Variants in SCNN1B observed in about 807,000 individuals in gnomAD.
SCNN1B encodes the protein epithelial sodium channel subunit beta.
SCNN1B carries 46 observed loss-of-function variants against 65.3 expected under a neutral mutation model. That is an observed-to-expected ratio of 0.70 (90% CI 0.56 to 0.90). SCNN1B has a LOEUF of 0.90. Among genes scored for constraint, SCNN1B ranks in the 40% least tolerant of loss-of-function variants. The pLI is 0.00. For missense variants in SCNN1B, 751 were observed against 830.5 expected, an observed-to-expected ratio of 0.90 and a Z score of 1.18; for synonymous variants, 349 against 330.6, an observed-to-expected ratio of 1.06 and a Z score of -0.60.
chr16:23,292,084 C>T (rs900411847), intron 2 of SCNN1B, among the ~76,000 whole-genome samples: 25 of 151,968 alleles, frequency 1.6e-4, no homozygotes, highest in Admixed American at 1.4e-3. Context: ...GGCACCTCCA[C>T]GGCTTTCACC....
rs727503413 is a variant in SCNN1B, at chr16:23,377,199, G to A, written c.1305G>A (p.Ala435=). The A allele has an allele frequency of 3.9e-4, 630 of 1,614,090 alleles. No individual in the cohort carries two copies. Among genetic ancestry groups the A allele is most frequent in the Non-Finnish European group, 5.0e-4 (595 of 1,180,036 alleles). ...ACTCAGATCTACAGATGAGCGTGGC[G>A]CAGAGAGAGACCTGCATTGGCATGT... ...HCYSDLQMSV[A]QRETCIGMCK... Residue 435 remains alanine (A), a synonymous_variant, in exon 9 of 13, where the codon GCG becomes GCA. Transcript: ENST00000343070.
intron 2 of SCNN1B, among the ~76,000 whole-genome samples, chr16:23,287,131 AG>A (rs1370196147): frequency 6.6e-6 from 1 of 151,298 alleles, no homozygotes; most frequent in Non-Finnish European, 1.5e-5. Context: ...CAGCCTCCCA[AG>A]TAGCTGGAAT....
At chr16:23,295,474 C>A (rs988858355) in intron 2 of SCNN1B, among the ~76,000 whole-genome samples, 1 of 152,072 alleles carries the variant, frequency 6.6e-6, no homozygotes, top group Non-Finnish European at 1.5e-5. Flanking sequence ...ATCAGCCTCC[C>A]AAGTAGCTGG....
At chr16:23,302,736 G>A (rs1961112332) in intron 1 of SCNN1B, among the ~76,000 whole-genome samples, 1 of 152,214 alleles carries the variant, frequency 6.6e-6, no homozygotes, top group Non-Finnish European at 1.5e-5. Context: ...CTGGCATAGA[G>A]TGGGCGGGGC....
At chr16:23,352,026 C>A (rs768908851) in intron 2 of SCNN1B, among the ~76,000 whole-genome samples, 7 of 152,160 alleles carry the variant, frequency 4.6e-5, no homozygotes, top group Non-Finnish European at 8.8e-5. Flanking sequence ...TATATGGGGA[C>A]GGTAACAGAC....
intron 1 of SCNN1B, among the ~76,000 whole-genome samples, chr16:23,306,740 C>A (rs1418677176): frequency 6.6e-6 from 1 of 152,152 alleles, no homozygotes; most frequent in Non-Finnish European, 1.5e-5. Context: ...TGGAAACAGT[C>A]TTTACAAAAG....
chr16:23,343,813 C>T (rs1162093946), intron 1 of SCNN1B, among the ~76,000 whole-genome samples: 2 of 152,192 alleles, frequency 1.3e-5, no homozygotes, highest in Non-Finnish European at 2.9e-5. Context: ...TCTGTGTGCA[C>T]ACATGGACTT....
At chr16:23,312,189 C>G (rs1961359410) in intron 1 of SCNN1B, among the ~76,000 whole-genome samples, 1 of 152,140 alleles carries the variant, frequency 6.6e-6, no homozygotes, top group African/African-American at 2.4e-5. Flanking sequence ...AGGCTGGTCT[C>G]AAACTCCTGG....
chr16:23,290,744 A>G (rs571844388), intron 2 of SCNN1B, among the ~76,000 whole-genome samples: 2 of 152,250 alleles, frequency 1.3e-5, no homozygotes, highest in Non-Finnish European at 2.9e-5. Flanking sequence ...AACCCTCACT[A>G]GCTAGAAAGG....
intron 8 of SCNN1B, 128 bp downstream of exon 8, chr16:23,375,983 A>T: frequency 1.5e-6 from 1 of 683,970 alleles, no homozygotes; most frequent in East Asian, 2.7e-5. Flanking sequence ...GCTCCTCCAC[A>T]GTCTGAGGTC....
intron 4 of SCNN1B, among the ~76,000 whole-genome samples, chr16:23,365,222 G>A (rs1398708050): frequency 6.6e-6 from 1 of 151,938 alleles, no homozygotes; most frequent in Non-Finnish European, 1.5e-5. Flanking sequence ...AATCCAGGAG[G>A]CAGAGGTTAC....
rs1205143364 is a variant in SCNN1B at position 23,348,191 on chromosome 16, A to G, written c.-8-401A>G. Among the ~76,000 whole-genome samples the G allele has an allele frequency of 6.6e-6, 1 of 152,138 alleles. No individual in the cohort carries two copies. Among genetic ancestry groups the G allele is most frequent in the African/African-American group, 2.4e-5 (1 of 41,420 alleles). ...CTTTTCTCATCAATGTTACAATGAAACATTGAACAAAACGACGTCGTTTGA... is the reference window on the plus strand; with the variant it reads ...CTTTTCTCATCAATGTTACAATGAAGCATTGAACAAAACGACGTCGTTTGA... On this transcript the variant is annotated intron_variant, in intron 1 of 12. Transcript: ENST00000343070. This position sits in a 1 kb window ranked among gnomAD's most constrained non-coding sequence, Gnocchi z 4.5.
Position 23,378,695 on chromosome 16 carries a change from T to C in SCNN1B, c.1405-11T>C. On this transcript the variant is annotated splice_polypyrimidine_tract_variant and intron_variant, in intron 10 of 12. Coordinates refer to ENST00000343070, the MANE Select transcript of SCNN1B (RefSeq NM_000336.3). ...GATGGCAACTTTTGCAACCACCTTC[T>C]TGGGTTCCAGGACTGGATTTTCCAC... is the stretch of plus-strand genomic sequence containing the variant. 1 of 1,614,114 alleles carries C rather than the reference T, an allele frequency of 6.2e-7. No individual in the cohort carries two copies. Among genetic ancestry groups the C allele is most frequent in the Non-Finnish European group, 8.5e-7 (1 of 1,180,000 alleles).
intron 1 of SCNN1B, among the ~76,000 whole-genome samples, chr16:23,343,653 A>AG (rs1962125897): frequency 7.5e-6 from 1 of 133,224 alleles, no homozygotes; most frequent in African/African-American, 3.0e-5. Context: ...GAAAGAAAAA[A>AG]AGAAAGGAAG....
At chr16:23,342,159 A>G (rs913626586) in intron 1 of SCNN1B, among the ~76,000 whole-genome samples, 2 of 152,260 alleles carry the variant, frequency 1.3e-5, no homozygotes, top group African/African-American at 2.4e-5. Context: ...AGCAATAGAA[A>G]GAAATGAAGC....
At chr16:23,376,160 C>T (rs1962890447) in intron 8 of SCNN1B, among the ~76,000 whole-genome samples, 1 of 152,256 alleles carries the variant, frequency 6.6e-6, no homozygotes, top group Admixed American at 6.5e-5. Context: ...CAACCCTGGG[C>T]ATGTGGCTGC....
At chr16:23,302,870 G>C (rs1305544642) in intron 1 of SCNN1B, among the ~76,000 whole-genome samples, 1 of 152,294 alleles carries the variant, frequency 6.6e-6, no homozygotes, top group East Asian at 1.9e-4. Flanking sequence ...CTGTGGGGTG[G>C]TTCTCTTGCT....
chr16:23,308,181 G>A (rs1253435528), intron 1 of SCNN1B, among the ~76,000 whole-genome samples: 2 of 152,114 alleles, frequency 1.3e-5, no homozygotes, highest in East Asian at 3.9e-4. Flanking sequence ...TCCAGCCTGG[G>A]TGACAGAGCA....
chr16:23,329,650 T>C (rs1411000403), intron 1 of SCNN1B, among the ~76,000 whole-genome samples: 1 of 152,176 alleles, frequency 6.6e-6, no homozygotes, highest in Non-Finnish European at 1.5e-5. Context: ...CAGCTGAGCA[T>C]TCACACCCAA....
Sources: gnomAD v4.1 joint callset for allele counts (sites outside exome capture counted in the v4.1 genomes callset) on GRCh38, gnomAD v4.1.1 for gene constraint, Gnocchi (gnomAD v3.1) non-coding constraint, MANE v1.5 for transcripts, NCBI Gene and HGNC (gene_info 2026-07-23, HGNC 2026-07-21) for gene names.